CFAP52: variants seen among roughly 807,000 people sequenced by gnomAD.
CFAP52 encodes cilia- and flagella-associated protein 52.
CFAP52 carries 57 observed loss-of-function variants against 70.5 expected under a neutral mutation model. The ratio of observed to expected loss-of-function variants is 0.81; its 90% CI spans 0.65 to 1.01. The LOEUF is 1.01. CFAP52 is among the 50% of genes least tolerant of loss of function. The probability of loss-of-function intolerance (pLI) is 0.00; values close to 1 mark genes in which losing one functional copy is unlikely to be tolerated. For missense variants in CFAP52, 785 were observed against 788.5 expected (o/e 1.00, Z 0.05); for synonymous variants, 267 against 292.5 (o/e 0.91, Z 0.89).
At chr17:9,584,393 C>T (rs752343786) in intron 1 of CFAP52, 290 of 1,260,492 alleles carry the variant, frequency 2.3e-4, no homozygotes, top group East Asian at 5.1e-4. Context: ...GAACTGAAAC[C>T]GAAAGTTAAA....
At chr17:9,590,867 G>T (rs77002268) in intron 3 of CFAP52, among the ~76,000 whole-genome samples, 3,027 of 152,096 alleles carry the variant, frequency 0.02, 102 homozygotes, top group African/African-American at 0.069. Context: ...TAGTCTCTGT[G>T]GTGAGAAGGG....
chr17:9,625,685 C>T (rs1464920109), intron 8 of CFAP52, among the ~76,000 whole-genome samples: 1 of 152,174 alleles, frequency 6.6e-6, no homozygotes, highest in East Asian at 1.9e-4. Flanking sequence ...TAACAATTCT[C>T]AACCCTTTCC....
At chr17:9,581,240 C>T (rs1468361748) in intron 1 of CFAP52, among the ~76,000 whole-genome samples, 1 of 152,204 alleles carries the variant, frequency 6.6e-6, no homozygotes, top group Non-Finnish European at 1.5e-5. Flanking sequence ...TGGCGTGAAC[C>T]CGGAAGTGCT....
chr17:9,638,072 T>C (rs766153158), intron 11 of CFAP52, among the ~76,000 whole-genome samples: 1 of 152,242 alleles, frequency 6.6e-6, no homozygotes, highest in Non-Finnish European at 1.5e-5. Flanking sequence ...CCGAGGGTTG[T>C]GCATGATATG....
chr17:9,629,479 CTTTCTTTCTTTCTTTCTTTTCT>C (rs1220364765), intron 9 of CFAP52, among the ~76,000 whole-genome samples: 3 of 111,736 alleles, frequency 2.7e-5, no homozygotes, highest in East Asian at 3.1e-4. Context: ...CTTTCCCTTT[CTTTCTTTCTTTCTTTCTTTTCT>C]TTTCTTTCTT....
At chr17:9,639,412 C>G (rs1216419599) in intron 12 of CFAP52, among the ~76,000 whole-genome samples, 1 of 149,934 alleles carries the variant, frequency 6.7e-6, no homozygotes, top group Non-Finnish European at 1.5e-5. Flanking sequence ...GTCTGGGTGA[C>G]AGAGCAAGAC....
intron 6 of CFAP52, among the ~76,000 whole-genome samples, chr17:9,605,856 G>T (rs956853453): frequency 2.0e-5 from 3 of 152,050 alleles, no homozygotes; most frequent in Non-Finnish European, 2.9e-5. Context: ...TCCAAACCCA[G>T]AGAGTATGCA....
intron 1 of CFAP52, among the ~76,000 whole-genome samples, chr17:9,580,218 A>G (rs1401015878): frequency 6.7e-6 from 1 of 149,636 alleles, no homozygotes; most frequent in Non-Finnish European, 1.5e-5. Context: ...TTGTTTATGT[A>G]TTGTCTATGG....
At chr17:9,581,703 A>G (rs181438972) in intron 1 of CFAP52, among the ~76,000 whole-genome samples, 1 of 152,352 alleles carries the variant, frequency 6.6e-6, no homozygotes, top group East Asian at 1.9e-4. Context: ...ATACTATTCT[A>G]TTTGAGAAGT....
At chr17:9,582,155 C>A (rs540711219) in intron 1 of CFAP52, among the ~76,000 whole-genome samples, 13 of 152,324 alleles carry the variant, frequency 8.5e-5, no homozygotes, top group African/African-American at 2.9e-4. Context: ...TATCTCTGGG[C>A]AGGTTGCACA....
At chr17:9,636,181 A>T (rs896203006) in intron 11 of CFAP52, among the ~76,000 whole-genome samples, 3 of 50,094 alleles carry the variant, frequency 6.0e-5, no homozygotes, top group African/African-American at 3.3e-4. Flanking sequence ...TCTCAAAAAA[A>T]AGAAAGAAAG....
intron 12 of CFAP52, among the ~76,000 whole-genome samples, chr17:9,641,180 G>C (rs570680782): frequency 2.5e-4 from 38 of 152,296 alleles, no homozygotes; most frequent in African/African-American, 8.9e-4. Context: ...AGGGAACCAA[G>C]GTTACCAGTT....
intron 4 of CFAP52, among the ~76,000 whole-genome samples, chr17:9,597,989 C>T (rs945482101): frequency 7.2e-5 from 11 of 152,206 alleles, no homozygotes; most frequent in African/African-American, 2.2e-4. Flanking sequence ...CAGAGTGAGA[C>T]GGAGCCAGGT....
At chr17:9,630,072 T>A (rs1261082362) in intron 9 of CFAP52, among the ~76,000 whole-genome samples, 1 of 151,954 alleles carries the variant, frequency 6.6e-6, no homozygotes, top group East Asian at 2.0e-4. Flanking sequence ...TATGCCCACA[T>A]CCACATCCCC....
intron 6 of CFAP52, among the ~76,000 whole-genome samples, chr17:9,602,294 G>T (rs992097394): frequency 2.6e-5 from 4 of 151,944 alleles, no homozygotes; most frequent in Non-Finnish European, 4.4e-5. Flanking sequence ...CCCCTGACAG[G>T]CCCCGGTGTG....
At chr17:9,616,486 T>C (rs1245114845) in intron 8 of CFAP52, among the ~76,000 whole-genome samples, 2 of 138,306 alleles carry the variant, frequency 1.4e-5, no homozygotes. Context: ...TCGAACTGGG[T>C]GGAGCCCACC....
At chr17:9,586,355 G>T (rs773994928) in intron 2 of CFAP52, among the ~76,000 whole-genome samples, 1 of 152,010 alleles carries the variant, frequency 6.6e-6, no homozygotes, top group Non-Finnish European at 1.5e-5. Context: ...CCTGAGGTCA[G>T]GAGTTCGAGA....
At chr17:9,594,054 G>A in intron 3 of CFAP52, 139 bp from the exon 4 acceptor site, 1 of 1,239,848 alleles carries the variant, frequency 8.1e-7, no homozygotes, top group South Asian at 1.7e-5. Context: ...GAGATGTCAG[G>A]GGTGGGGTAA....
chr17:9,629,399 G>T lies in CFAP52; in HGVS notation c.1174+579G>T, dbSNP rs192846280. Among the ~76,000 whole-genome samples, 691 of 152,284 alleles carry T rather than the reference G, an allele frequency of 4.5e-3. 6 individuals are homozygous for T. Among genetic ancestry groups the T allele is most frequent in the African/African-American group, 0.013 (535 of 41,554 alleles). Reference sequence around the variant, plus strand: ...ACATACTGCTTCACATCAATGAAAAGTTCAGTGGATCTTTAGGGACAGCTA... The same window carrying T: ...ACATACTGCTTCACATCAATGAAAATTTCAGTGGATCTTTAGGGACAGCTA... On this transcript the variant is annotated intron_variant, in intron 9 of 13. Coordinates refer to ENST00000352665, the MANE Select transcript of CFAP52 (RefSeq NM_145054.5).
Sources: allele counts gnomAD v4.1 joint callset (sites outside exome capture counted in the v4.1 genomes callset), GRCh38; gene constraint gnomAD v4.1.1; transcripts MANE v1.5; gene names NCBI Gene and HGNC (gene_info 2026-07-23, HGNC 2026-07-21).